Variants in NRXN3 observed in about 807,000 individuals in gnomAD.
NRXN3 encodes neurexin III.
In NRXN3, 32 loss-of-function variants were observed where a neutral mutation model predicts 137.6. The observed-to-expected ratio is 0.23, with a 90% CI of 0.18 to 0.31. NRXN3 has a LOEUF of 0.31. NRXN3 is among the 10% of genes least tolerant of loss of function. NRXN3 has a pLI of 1.00. For missense variants in NRXN3, 1,574 were observed against 2,062.5 expected, an observed-to-expected ratio of 0.76 and a Z score of 4.59; for synonymous variants, 798 against 784.5, an observed-to-expected ratio of 1.02 and a Z score of -0.29.
intron 19 of NRXN3, among the ~76,000 whole-genome samples, chr14:79,767,186 T>C (rs1208470393): frequency 6.6e-6 from 1 of 152,208 alleles, no homozygotes; most frequent in Non-Finnish European, 1.5e-5. Flanking sequence ...TGTAGTCTTA[T>C]TCTTCACTAG....
At chr14:79,012,010 G>T (rs1460300277) in intron 15 of NRXN3, among the ~76,000 whole-genome samples, 1 of 152,160 alleles carries the variant, frequency 6.6e-6, no homozygotes, top group Non-Finnish European at 1.5e-5. Flanking sequence ...TTTATTTGTT[G>T]ACTGTTGTGA....
chr14:79,075,420 A>C (rs147333694), intron 15 of NRXN3, among the ~76,000 whole-genome samples: 1 of 152,328 alleles, frequency 6.6e-6, no homozygotes, highest in African/African-American at 2.4e-5. Flanking sequence ...GACAATGCAT[A>C]AATATTAGTT....
At position 79,148,864 on chromosome 14, in the gene NRXN3, C is replaced by A. The variant is rs117797771; in HGVS notation, c.3262+160723C>A. ...CTCCCTTTAAAGAGTGTTTTTTTCCCATGCCTTTCTTATTCTTTTTTGTGG... is the reference window on the plus strand; with the variant it reads ...CTCCCTTTAAAGAGTGTTTTTTTCCAATGCCTTTCTTATTCTTTTTTGTGG... On this transcript the variant is annotated intron_variant, in intron 15 of 20. Transcript: ENST00000335750. 1.2e-4 allele frequency among the ~76,000 whole-genome samples: 18 copies of A among 152,200 alleles called. No homozygotes were observed. In the East Asian group the frequency reaches 3.1e-3, roughly 26 times the overall value.
intron 10 of NRXN3, among the ~76,000 whole-genome samples, chr14:78,888,108 G>A (rs1460401816): frequency 1.3e-5 from 2 of 152,070 alleles, no homozygotes; most frequent in Admixed American, 6.6e-5. Context: ...TGACATTTCA[G>A]AAAGAACATT....
chr14:79,753,034 C>A (rs1165023757), intron 19 of NRXN3, among the ~76,000 whole-genome samples: 1 of 150,896 alleles, frequency 6.6e-6, no homozygotes, highest in African/African-American at 2.4e-5. Context: ...CATCTCACAC[C>A]AGTTAGAATG....
At chr14:79,191,070 C>A (rs1364592059) in intron 15 of NRXN3, among the ~76,000 whole-genome samples, 1 of 152,178 alleles carries the variant, frequency 6.6e-6, no homozygotes, top group Non-Finnish European at 1.5e-5. Context: ...GAAAGCCCCC[C>A]AGGAGAAAAT....
intron 15 of NRXN3, among the ~76,000 whole-genome samples, chr14:79,268,815 T>G (rs964868157): frequency 2.6e-5 from 4 of 152,186 alleles, no homozygotes; most frequent in Non-Finnish European, 5.9e-5. Context: ...ATACTTATAA[T>G]AATATATATC....
At chr14:78,463,529 C>T (rs975590732) in intron 4 of NRXN3, among the ~76,000 whole-genome samples, 14 of 150,822 alleles carry the variant, frequency 9.3e-5, no homozygotes, top group African/African-American at 3.4e-4. Context: ...ATAAGCATTC[C>T]CTTTCCTCCA....
At chr14:78,904,987 G>C (rs953088005) in intron 10 of NRXN3, among the ~76,000 whole-genome samples, 1 of 151,894 alleles carries the variant, frequency 6.6e-6, no homozygotes, top group African/African-American at 2.4e-5. Flanking sequence ...ACATGATCCT[G>C]CACAACCACC....
chr14:79,495,816 A>T (rs1034154962), intron 16 of NRXN3, among the ~76,000 whole-genome samples: 5 of 152,038 alleles, frequency 3.3e-5, no homozygotes, highest in African/African-American at 1.2e-4. Flanking sequence ...GACCTTTACA[A>T]TGATGGTGTT....
intron 4 of NRXN3, among the ~76,000 whole-genome samples, chr14:78,576,221 C>T (rs2096934437): frequency 6.6e-6 from 1 of 152,192 alleles, no homozygotes; most frequent in South Asian, 2.1e-4. Flanking sequence ...GACCTTTTCT[C>T]TTGGCATTTG....
chr14:78,489,767 G>A (rs1051925275), intron 4 of NRXN3, among the ~76,000 whole-genome samples: 1 of 152,090 alleles, frequency 6.6e-6, no homozygotes. Context: ...AGCTGAGAGG[G>A]AAGAATTTGG....
intron 19 of NRXN3, among the ~76,000 whole-genome samples, chr14:79,764,315 A>C (rs1568162132): frequency 6.6e-6 from 1 of 152,180 alleles, no homozygotes; most frequent in Non-Finnish European, 1.5e-5. Flanking sequence ...GAAGGGAAGG[A>C]GAATCCACTG....
chr14:79,791,929 G>C (rs1459051671), intron 19 of NRXN3, among the ~76,000 whole-genome samples: 1 of 152,180 alleles, frequency 6.6e-6, no homozygotes, highest in Non-Finnish European at 1.5e-5. Context: ...GTCTGCAATA[G>C]TCATCTTCCC....
rs532910814 is a variant in NRXN3, at chr14:79,443,866, A to C, written c.3263-23355A>C. Among the ~76,000 whole-genome samples the C allele has an allele frequency of 6.6e-5, 10 of 152,348 alleles. 1 individual carries two copies. In the South Asian group the frequency reaches 2.1e-3, roughly 32 times the overall value. On this transcript the variant is annotated intron_variant, in intron 15 of 20. Transcript: ENST00000335750. ...ACTGGCAGCAAATTCCTTCCTTAGA[A>C]TACTTCCCCACTGGTTTTTGAGAAG...
Position 79,340,278 on chromosome 14 carries a change from C to T in NRXN3, c.3263-126943C>T, listed in dbSNP as rs2092533326. On this transcript the variant is annotated intron_variant, in intron 15 of 20. Coordinates refer to ENST00000335750, the MANE Select transcript of NRXN3 (RefSeq NM_001330195.2). ...GGGAAAACCTAGGGTTTTCTTTCTTCTCTAATAATAAAATATGACATAGGC... is the reference window on the plus strand; with the variant it reads ...GGGAAAACCTAGGGTTTTCTTTCTTTTCTAATAATAAAATATGACATAGGC... 2.0e-5 allele frequency among the ~76,000 whole-genome samples: 3 copies of T among 151,736 alleles called. No homozygotes were observed. The South Asian group carries it at 6.2e-4, about 32-fold the overall frequency.
At chr14:79,352,122 A>T (rs762303338) in intron 15 of NRXN3, among the ~76,000 whole-genome samples, 3 of 152,144 alleles carry the variant, frequency 2.0e-5, no homozygotes, top group Non-Finnish European at 4.4e-5. Context: ...AGCAAAGTCC[A>T]TGCCATCTTT....
At chr14:79,227,044 T>C (rs1485704479) in intron 15 of NRXN3, among the ~76,000 whole-genome samples, 6 of 152,084 alleles carry the variant, frequency 3.9e-5, no homozygotes, top group Non-Finnish European at 1.5e-5. Flanking sequence ...GCTCTTGAAC[T>C]CCTGACCTCG....
At chr14:78,331,983 A>T (rs1013404494) in intron 4 of NRXN3, among the ~76,000 whole-genome samples, 1 of 152,178 alleles carries the variant, frequency 6.6e-6, no homozygotes, top group Non-Finnish European at 1.5e-5. Context: ...CTGGAGGTTG[A>T]TGTTGAGAAA....
Sources: gnomAD v4.1 joint callset for allele counts (sites outside exome capture counted in the v4.1 genomes callset) on GRCh38, gnomAD v4.1.1 for gene constraint, MANE v1.5 for transcripts, NCBI Gene and HGNC (gene_info 2026-07-23, HGNC 2026-07-21) for gene names.